FOXP2: variants seen among roughly 807,000 people sequenced by gnomAD.
The protein encoded by FOXP2 is forkhead box protein P2.
A neutral mutation model predicts 115.8 loss-of-function variants in FOXP2; 12 were observed. The observed-to-expected ratio is 0.10, with a 90% confidence interval of 0.07 to 0.17. FOXP2 has a LOEUF of 0.17. Ranked by LOEUF, FOXP2 falls within the 10% of genes least tolerant of loss-of-function variation. The pLI is 1.00. For missense variants in FOXP2, 629 were observed against 843.5 expected, an observed-to-expected ratio of 0.75 and a Z score of 3.15; for synonymous variants, 328 against 297.7, an observed-to-expected ratio of 1.10 and a Z score of -1.05.
chr7:114,551,693 A>T (rs544152083), intron 3 of FOXP2, among the ~76,000 whole-genome samples: 32 of 152,224 alleles, frequency 2.1e-4, no homozygotes, highest in African/African-American at 5.8e-4. Context: ...GATATTTTTT[A>T]AAAAAAGAGA....
In FOXP2 at chr7:114,693,676, T is replaced by C. The variant is rs1808791432; in HGVS notation, c.*3750T>C. The C allele has an allele frequency of 2.6e-6, 1 of 383,528 alleles. No homozygotes were observed. 23.8% of individuals were successfully genotyped at this position (383,528 alleles called of 1,614,324 possible). On this transcript the variant is annotated 3_prime_UTR_variant, in exon 17 of 17. Coordinates refer to ENST00000350908, the MANE Select transcript of FOXP2 (RefSeq NM_014491.4). ...TAATGTATGAACAGTGTGTCACTGC[T>C]GTTGGATGTAAAAATGTATATGAAA...
At chr7:114,406,754 G>T (rs192365409) in intron 2 of FOXP2, among the ~76,000 whole-genome samples, 7 of 151,824 alleles carry the variant, frequency 4.6e-5, no homozygotes, top group African/African-American at 1.7e-4. Context: ...AGGCATAAAA[G>T]CACTCTTTAT....
intron 2 of FOXP2, among the ~76,000 whole-genome samples, chr7:114,489,986 GA>G (rs1419119401): frequency 6.6e-6 from 1 of 152,100 alleles, no homozygotes; most frequent in East Asian, 1.9e-4. Flanking sequence ...GTGAAATGCG[GA>G]AATGGTACAG....
At chr7:114,511,810 A>G (rs947643683) in intron 2 of FOXP2, among the ~76,000 whole-genome samples, 13 of 151,986 alleles carry the variant, frequency 8.6e-5, no homozygotes, top group African/African-American at 2.9e-4. Context: ...TTTTCTATAA[A>G]TTTGAGGTTA....
chr7:114,143,148 A>AATAATAATT (rs199732138), intron 1 of FOXP2, among the ~76,000 whole-genome samples: 3 of 32,314 alleles, frequency 9.3e-5, no homozygotes, highest in African/African-American at 3.2e-4. Flanking sequence ...ACCCTGTCTC[A>AATAATAATT]ATAATAATAA....
intron 2 of FOXP2, among the ~76,000 whole-genome samples, chr7:114,323,601 C>T (rs1164848583): frequency 6.6e-6 from 1 of 151,866 alleles, no homozygotes; most frequent in Non-Finnish European, 1.5e-5. Flanking sequence ...AGATACTTTC[C>T]AATTTGTCAT....
chr7:114,369,016 A>G (rs1330317073), intron 2 of FOXP2, among the ~76,000 whole-genome samples: 1 of 152,154 alleles, frequency 6.6e-6, no homozygotes, highest in African/African-American at 2.4e-5. Flanking sequence ...TGGAGGATCG[A>G]GCCACTTAAG....
chr7:114,361,438 T>A (rs189711045), intron 2 of FOXP2, among the ~76,000 whole-genome samples: 158 of 151,922 alleles, frequency 1.0e-3, no homozygotes, highest in Non-Finnish European at 1.7e-3. Flanking sequence ...AGAAAGACAA[T>A]CCTAGCTATA....
chr7:114,308,069 G>T (rs545440311), intron 2 of FOXP2, among the ~76,000 whole-genome samples: 1 of 152,154 alleles, frequency 6.6e-6, no homozygotes, highest in African/African-American at 2.4e-5. Flanking sequence ...CGGGATTGTT[G>T]CTTTCACTCC....
intron 1 of FOXP2, among the ~76,000 whole-genome samples, chr7:114,209,524 T>C (rs1794291086): frequency 6.6e-6 from 1 of 152,206 alleles, no homozygotes; most frequent in Admixed American, 6.5e-5. Context: ...CCACTTTTAG[T>C]CTGATGGGCT....
intron 2 of FOXP2, among the ~76,000 whole-genome samples, chr7:114,526,974 C>G (rs1798908471): frequency 6.8e-6 from 1 of 147,928 alleles, no homozygotes; most frequent in Admixed American, 6.9e-5. Flanking sequence ...CGTCTGGGCC[C>G]TTGTAACCAC....
At chr7:114,368,716 G>A (rs1791938156) in intron 2 of FOXP2, among the ~76,000 whole-genome samples, 1 of 152,198 alleles carries the variant, frequency 6.6e-6, no homozygotes, top group South Asian at 2.1e-4. Flanking sequence ...GCTAACTGCT[G>A]TTGTCTGGGT....
In FOXP2 at chr7:114,200,093, A is replaced by T. The variant is rs113776604; in HGVS notation, c.-102+37005A>T. On this transcript the variant is annotated intron_variant, in intron 1 of 17. Transcript: ENST00000634411. ...AATTTTATCCTCCATTCAGTCCTGTACACACAAAATCAGCCCTCAATTAAT... is the reference window on the plus strand; with the variant it reads ...AATTTTATCCTCCATTCAGTCCTGTTCACACAAAATCAGCCCTCAATTAAT... Among the ~76,000 whole-genome samples, 862 of 152,326 alleles carry T rather than the reference A, an allele frequency of 5.7e-3. 13 individuals are homozygous for T. The highest frequency in any genetic ancestry group is 0.02 in the African/African-American group (823 of 41,586).
At chr7:114,204,952 T>A (rs1338249337) in intron 1 of FOXP2, among the ~76,000 whole-genome samples, 1 of 152,080 alleles carries the variant, frequency 6.6e-6, no homozygotes, top group Non-Finnish European at 1.5e-5. Flanking sequence ...GATCTTTTCT[T>A]TGGAGTTTTC....
chr7:114,355,994 T>A (rs1222611655), intron 2 of FOXP2, among the ~76,000 whole-genome samples: 1 of 152,226 alleles, frequency 6.6e-6, no homozygotes, highest in African/African-American at 2.4e-5. Context: ...TATGAATTTC[T>A]AACTTTTAAA....
intron 7 of FOXP2, among the ~76,000 whole-genome samples, 198 bp downstream of exon 7, chr7:114,642,821 T>TA (rs1805646589): frequency 1.6e-5 from 2 of 126,904 alleles, no homozygotes; most frequent in Non-Finnish European, 3.3e-5. Context: ...TATTTTTTTT[T>TA]TTTTTTAGGC....
chr7:114,086,797 C>T (rs935536358), upstream of FOXP2, among the ~76,000 whole-genome samples: 3 of 152,314 alleles, frequency 2.0e-5, no homozygotes, highest in African/African-American at 7.2e-5. Context: ...CAAATTTGGG[C>T]TCGGCGTTGG....
chr7:114,500,551 G>A (rs1363081230), intron 2 of FOXP2, among the ~76,000 whole-genome samples: 1 of 152,026 alleles, frequency 6.6e-6, no homozygotes, highest in African/African-American at 2.4e-5. Context: ...CAGAGGAAAA[G>A]TAGGTCTTTC....
In FOXP2 at chr7:114,642,351, C is replaced by G. The variant is rs1032669970; in HGVS notation, c.776-59C>G. ...ATTAATCTATTAATAACACAAAGCT[C>G]ATTATATAAACTTTACCTTTACCTT... On this transcript the variant is annotated intron_variant, in intron 6 of 16. Transcript: ENST00000350908. The G allele has an allele frequency of 2.2e-5, 29 of 1,326,036 alleles. No homozygotes were observed. The Admixed American group carries it at 4.6e-4, about 21-fold the overall frequency. The allele number at this position is 1,326,036 out of a possible 1,614,324, so 82.1% of individuals were successfully genotyped here. A position where few individuals can be genotyped will look rare whatever the true frequency, so the allele number is the denominator to read the frequency against.
Sources: gnomAD v4.1 joint callset for allele counts (sites outside exome capture counted in the v4.1 genomes callset) on GRCh38, gnomAD v4.1.1 for gene constraint, MANE v1.5 for transcripts, NCBI Gene and HGNC (gene_info 2026-07-23, HGNC 2026-07-21) for gene names.